Variants in FMNL3 observed in about 807,000 individuals in gnomAD.
FMNL3 encodes the protein formin like 3.
Under a neutral mutation model 119.6 loss-of-function variants are expected in FMNL3, and 57 were observed. That is an observed-to-expected ratio of 0.48 (90% confidence interval 0.39 to 0.59). FMNL3 has a LOEUF of 0.59. Ranked by LOEUF, FMNL3 falls within the 20% of genes least tolerant of loss-of-function variation. FMNL3 has a pLI of 0.00. For missense variants in FMNL3, 1,053 were observed against 1,323.5 expected (o/e 0.80, Z 3.17); for synonymous variants, 491 against 507.3 (o/e 0.97, Z 0.43).
intron 6 of FMNL3, 30 bp downstream of exon 6, chr12:49,658,412 G>A (rs1296712149): frequency 1.3e-6 from 2 of 1,560,144 alleles, no homozygotes; most frequent in Non-Finnish European, 1.7e-6. Flanking sequence ...TAGGGTGGGA[G>A]GCAGGTGGGC....
In FMNL3 at chr12:49,644,148, A is replaced by G; in HGVS notation, c.*1667T>C. 3.1e-6 allele frequency: 5 copies of G among 1,614,068 alleles called. No homozygotes were observed. Among genetic ancestry groups the G allele is most frequent in the Non-Finnish European group, 4.2e-6 (5 of 1,179,992 alleles). ...TGAGCTGAGTGAGGGTGAGCTGGAG[A>G]GGCGGCGGCGGACACTCCTACAGCA... On this transcript the variant is annotated 3_prime_UTR_variant, in exon 26 of 26. Coordinates refer to ENST00000335154, the MANE Select transcript of FMNL3 (RefSeq NM_175736.5).
chr12:49,705,977 C>A (rs575820889), intron 1 of FMNL3, among the ~76,000 whole-genome samples: 2 of 151,224 alleles, frequency 1.3e-5, no homozygotes, highest in African/African-American at 2.5e-5. Flanking sequence ...CTTATCCCTC[C>A]TGATGGGCAG....
intron 5 of FMNL3, chr12:49,659,807 T>C: frequency 3.0e-6 from 3 of 985,454 alleles, no homozygotes; most frequent in Non-Finnish European, 3.6e-6. Context: ...CACTTCAGGA[T>C]ATACCCCTCT....
intron 1 of FMNL3, among the ~76,000 whole-genome samples, chr12:49,697,538 C>G (rs567642690): frequency 1.3e-5 from 2 of 152,274 alleles, no homozygotes; most frequent in Non-Finnish European, 2.9e-5. Flanking sequence ...AGCCTTGGCT[C>G]TCAGCTAGAA....
At chr12:49,664,659 T>C (rs2138840942) in intron 4 of FMNL3, among the ~76,000 whole-genome samples, 1 of 152,242 alleles carries the variant, frequency 6.6e-6, no homozygotes, top group South Asian at 2.1e-4. Context: ...ACTTTCAATG[T>C]CTGATTCACA....
chr12:49,647,160 C>G lies in FMNL3; in HGVS notation c.2871+116G>C. 1.3e-6 allele frequency: 2 copies of G among 1,549,468 alleles called. No homozygotes were observed. Among genetic ancestry groups the G allele is most frequent in the East Asian group, 2.3e-5 (1 of 44,398 alleles). ...CTCCATCCCTCTGGATGCCAGCCCA[C>G]TGGCCCTCTGGGTGGTCTGTCCACT... On this transcript the variant is annotated intron_variant, in intron 24 of 25. Transcript: ENST00000335154. The surrounding 1 kb of genome is among the most constrained non-coding windows in gnomAD (Gnocchi z 4.9).
At chr12:49,646,610 GC>G in intron 25 of FMNL3, 1 of 1,457,466 alleles carries the variant, frequency 6.9e-7, no homozygotes, top group Non-Finnish European at 9.1e-7. Flanking sequence ...AGACGGGCAT[GC>G]AGAGGGGGCA....
At chr12:49,662,831 A>T (rs1943774484) in intron 4 of FMNL3, among the ~76,000 whole-genome samples, 1 of 152,202 alleles carries the variant, frequency 6.6e-6, no homozygotes, top group Non-Finnish European at 1.5e-5. Flanking sequence ...CTGGAATGAA[A>T]GTCAAGGGCA....
chr12:49,703,982 C>T (rs1396613446), intron 1 of FMNL3, among the ~76,000 whole-genome samples: 1 of 152,044 alleles, frequency 6.6e-6, no homozygotes, highest in South Asian at 2.1e-4. Flanking sequence ...ACTTTAAAAC[C>T]CCTTTTTCGG....
chr12:49,696,371 G>C (rs887056175), intron 1 of FMNL3, among the ~76,000 whole-genome samples: 1 of 152,218 alleles, frequency 6.6e-6, no homozygotes, highest in Admixed American at 6.5e-5. Context: ...CCATGTGTAT[G>C]AAAAAGTCTG....
chr12:49,700,290 G>A (rs1489288882), intron 1 of FMNL3, among the ~76,000 whole-genome samples: 1 of 150,514 alleles, frequency 6.6e-6, no homozygotes, highest in African/African-American at 2.5e-5. Context: ...TACTCGGGAA[G>A]CTAAGGCAGA....
rs578055709 is a variant in FMNL3, at chr12:49,703,594, G to A, written c.126+3461C>T. Among the ~76,000 whole-genome samples, 5 of 152,246 alleles carry A rather than the reference G, an allele frequency of 3.3e-5. No homozygotes were observed. In the South Asian group the frequency reaches 1.0e-3, roughly 32 times the overall value. On this transcript the variant is annotated intron_variant, in intron 1 of 25. Transcript: ENST00000335154. ...GATCCCATCCAGAGGGGACTGACTG[G>A]GAACTTTAGCTGCCCCTAGGAATAA...
intron 1 of FMNL3, among the ~76,000 whole-genome samples, chr12:49,675,299 C>A (rs1944154877): frequency 6.6e-6 from 1 of 152,234 alleles, no homozygotes; most frequent in Non-Finnish European, 1.5e-5. Context: ...TGTCTATTGG[C>A]TCCTCGGCCC....
intron 1 of FMNL3, among the ~76,000 whole-genome samples, chr12:49,686,388 T>C (rs1944459921): frequency 6.6e-6 from 1 of 151,818 alleles, no homozygotes; most frequent in South Asian, 2.1e-4. Flanking sequence ...AATACCATCC[T>C]AGCTAACACA....
chr12:49,664,289 C>T (rs926579223), intron 4 of FMNL3, among the ~76,000 whole-genome samples: 2 of 152,062 alleles, frequency 1.3e-5, no homozygotes, highest in Admixed American at 6.5e-5. Context: ...CCTGTGCTCC[C>T]AGCTACTTGG....
chr12:49,703,502 C>T (rs1944964486), intron 1 of FMNL3, among the ~76,000 whole-genome samples: 1 of 152,142 alleles, frequency 6.6e-6, no homozygotes, highest in South Asian at 2.1e-4. Flanking sequence ...AGCAGCTTCA[C>T]AACCTTTTTC....
At chr12:49,699,757 A>T (rs1944851085) in intron 1 of FMNL3, among the ~76,000 whole-genome samples, 3 of 152,246 alleles carry the variant, frequency 2.0e-5, no homozygotes, top group Non-Finnish European at 2.9e-5. Flanking sequence ...GAGAGCAAAG[A>T]ACGCAAATAA....
chr12:49,648,474 G>A (rs766080811), intron 21 of FMNL3, 121 bp from the exon 22 acceptor site: 1 of 1,048,316 alleles, frequency 9.5e-7, no homozygotes, highest in Non-Finnish European at 1.3e-6. Context: ...TCACATACCT[G>A]TATGGACATA....
chr12:49,670,719 G>A (rs1003318224), intron 1 of FMNL3, among the ~76,000 whole-genome samples: 1 of 152,214 alleles, frequency 6.6e-6, no homozygotes, highest in Admixed American at 6.5e-5. Flanking sequence ...AGTCTATGTA[G>A]GATGGATGGC....
Sources: gnomAD v4.1 joint callset for allele counts (sites outside exome capture counted in the v4.1 genomes callset) on GRCh38, gnomAD v4.1.1 for gene constraint, Gnocchi (gnomAD v3.1) non-coding constraint, MANE v1.5 for transcripts, NCBI Gene and HGNC (gene_info 2026-07-23, HGNC 2026-07-21) for gene names.